BMPR2: variants seen among roughly 807,000 people sequenced by gnomAD.
The protein encoded by BMPR2 is bone morphogenetic protein receptor type-2.
Under a neutral mutation model 100.8 loss-of-function variants are expected in BMPR2, and 29 were observed. That is an observed-to-expected ratio of 0.29 (90% confidence interval 0.21 to 0.39). The LOEUF is 0.39. BMPR2 is among the 10% of genes least tolerant of loss of function. BMPR2 has a pLI of 1.00. For missense variants in BMPR2, 1,011 were observed against 1,274.5 expected, an observed-to-expected ratio of 0.79 and a Z score of 3.15; for synonymous variants, 382 against 442.3, an observed-to-expected ratio of 0.86 and a Z score of 1.71.
intron 1 of BMPR2, among the ~76,000 whole-genome samples, chr2:202,406,606 T>C (rs1690896235): frequency 6.6e-6 from 1 of 152,250 alleles, no homozygotes; most frequent in African/African-American, 2.4e-5. Flanking sequence ...TACAGTTAGC[T>C]TATCCCTTAT....
chr2:202,556,612 T>C (rs1005738913), intron 12 of BMPR2, 81 bp downstream of exon 12: 3 of 1,460,252 alleles, frequency 2.1e-6, no homozygotes, highest in African/African-American at 1.4e-5. Context: ...CTAATAGATA[T>C]ATTTCAACTA....
intron 1 of BMPR2, among the ~76,000 whole-genome samples, chr2:202,419,253 G>A (rs764187891): frequency 2.6e-5 from 4 of 152,064 alleles, no homozygotes; most frequent in East Asian, 1.9e-4. Context: ...TTTATTCAGC[G>A]ATTCACTTAT....
At chr2:202,435,014 A>G (rs1458135521) in intron 1 of BMPR2, among the ~76,000 whole-genome samples, 2 of 142,480 alleles carry the variant, frequency 1.4e-5, no homozygotes, top group Non-Finnish European at 3.0e-5. Flanking sequence ...TAGGAGTTGC[A>G]GACCCGCCTG....
At chr2:202,457,584 A>T (rs1181134070) in intron 1 of BMPR2, among the ~76,000 whole-genome samples, 1 of 148,322 alleles carries the variant, frequency 6.7e-6, no homozygotes, top group African/African-American at 2.5e-5. Context: ...AGAGAGAGAG[A>T]GAGAGAGAGT....
At chr2:202,392,521 C>T (rs554231365) in intron 1 of BMPR2, among the ~76,000 whole-genome samples, 7 of 152,102 alleles carry the variant, frequency 4.6e-5, no homozygotes, top group Non-Finnish European at 7.4e-5. Flanking sequence ...TATACTTCTG[C>T]GGACATGTCA....
At chr2:202,443,816 C>T (rs2105941549) in intron 1 of BMPR2, among the ~76,000 whole-genome samples, 1 of 150,702 alleles carries the variant, frequency 6.6e-6, no homozygotes, top group East Asian at 1.9e-4. Context: ...TAATTGCCTT[C>T]AGAGCAGGGT....
At chr2:202,385,348 TA>T (rs1419683025) in intron 1 of BMPR2, among the ~76,000 whole-genome samples, 3 of 138,734 alleles carry the variant, frequency 2.2e-5, no homozygotes, top group Admixed American at 1.5e-4. Context: ...TTCTTCTAAT[TA>T]AAAAAAAGAT....
At chr2:202,432,066 AT>A (rs1691516651) in intron 1 of BMPR2, among the ~76,000 whole-genome samples, 1 of 150,606 alleles carries the variant, frequency 6.6e-6, no homozygotes, top group African/African-American at 2.5e-5. Flanking sequence ...TGGGGTTGCC[AT>A]TAAAAACAAT....
At chr2:202,510,254 T>A (rs1370884427) in intron 3 of BMPR2, among the ~76,000 whole-genome samples, 1 of 152,138 alleles carries the variant, frequency 6.6e-6, no homozygotes, top group East Asian at 1.9e-4. Context: ...CTGTCTGTAC[T>A]AAAAAATACA....
At chr2:202,498,428 T>C (rs559749014) in intron 3 of BMPR2, among the ~76,000 whole-genome samples, 1 of 136,684 alleles carries the variant, frequency 7.3e-6, no homozygotes, top group East Asian at 2.1e-4. Flanking sequence ...TGGGCAGGGG[T>C]TGTTTCTGCT....
At chr2:202,393,241 A>G (rs1258974843) in intron 1 of BMPR2, among the ~76,000 whole-genome samples, 2 of 152,202 alleles carry the variant, frequency 1.3e-5, no homozygotes, top group African/African-American at 2.4e-5. Context: ...TAAGGTTAGA[A>G]TAATGGTAGC....
chr2:202,400,106 CCT>C (rs935636504), intron 1 of BMPR2, among the ~76,000 whole-genome samples: 3 of 151,654 alleles, frequency 2.0e-5, no homozygotes, highest in Non-Finnish European at 2.9e-5. Context: ...GGAGCGAGAC[CCT>C]GTCTTAAAAA....
At chr2:202,524,959 A>G (rs2106012845) in intron 7 of BMPR2, among the ~76,000 whole-genome samples, 1 of 152,200 alleles carries the variant, frequency 6.6e-6, no homozygotes, top group Middle Eastern at 3.4e-3. Context: ...GAGAATCAAC[A>G]AGAGCGAAAC....
At chr2:202,456,984 G>T (rs1692121616) in intron 1 of BMPR2, among the ~76,000 whole-genome samples, 1 of 152,096 alleles carries the variant, frequency 6.6e-6, no homozygotes, top group Non-Finnish European at 1.5e-5. Context: ...TGTGTAAGTT[G>T]AACCTGTATT....
intron 1 of BMPR2, among the ~76,000 whole-genome samples, chr2:202,407,596 G>A (rs1690927366): frequency 6.6e-6 from 1 of 151,396 alleles, no homozygotes; most frequent in Non-Finnish European, 1.5e-5. Context: ...GTGAAACCCC[G>A]TCTCTACTAA....
At chr2:202,381,218 C>T (rs1439783383) in intron 1 of BMPR2, among the ~76,000 whole-genome samples, 1 of 152,108 alleles carries the variant, frequency 6.6e-6, no homozygotes, top group African/African-American at 2.4e-5. Context: ...CGTGATCTGC[C>T]TGCCTCTGCC....
At chr2:202,515,024 C>G in intron 5 of BMPR2, 45 bp downstream of exon 5, 1 of 1,489,690 alleles carries the variant, frequency 6.7e-7, no homozygotes, top group Non-Finnish European at 9.4e-7. Context: ...TACTGTGATA[C>G]TAGACCTGGA....
chr2:202,425,481 C>G (rs1691366786), intron 1 of BMPR2, among the ~76,000 whole-genome samples: 1 of 152,146 alleles, frequency 6.6e-6, no homozygotes, highest in African/African-American at 2.4e-5. Flanking sequence ...ATGTTATAAT[C>G]TGTTTACACA....
Position 202,513,882 on chromosome 2 carries a change from A to G in BMPR2, c.529+53A>G, listed in dbSNP as rs149681163. 1.1e-3 allele frequency: 1,461 copies of G among 1,369,986 alleles called. 9 individuals carry two copies. The African/African-American group carries it at 0.012, about 12-fold the overall frequency. The allele number at this position is 1,369,986 out of a possible 1,614,324, so 84.9% of individuals were successfully genotyped here. A position where few individuals can be genotyped will look rare whatever the true frequency, so the allele number is the denominator to read the frequency against. ...GTTTATTAAACATGCAATTTAATCA[A>G]TTTATTTGCTCCTTTTAAATTCCGT... On this transcript the variant is annotated intron_variant, in intron 4 of 12. Coordinates refer to ENST00000374580, the MANE Select transcript of BMPR2 (RefSeq NM_001204.7).
Sources: allele counts gnomAD v4.1 joint callset (sites outside exome capture counted in the v4.1 genomes callset), GRCh38; gene constraint gnomAD v4.1.1; transcripts MANE v1.5; gene names NCBI Gene and HGNC (gene_info 2026-07-23, HGNC 2026-07-21).